USP6NL: variants seen among roughly 807,000 people sequenced by gnomAD.
USP6NL encodes USP6 N-terminal like.
Under a neutral mutation model 61.9 loss-of-function variants are expected in USP6NL, and 26 were observed. The ratio of observed to expected loss-of-function variants is 0.42; its 90% CI spans 0.31 to 0.58. The LOEUF is 0.58. USP6NL is among the 20% of genes least tolerant of loss of function. The probability of loss-of-function intolerance (pLI) is 0.16; values close to 1 mark genes in which losing one functional copy is unlikely to be tolerated. For synonymous variants in USP6NL, 432 were observed against 390.1 expected (o/e 1.11, Z -1.27); for missense variants, 1,114 against 1,034.3 (o/e 1.08, Z -1.06).
intron 2 of USP6NL, among the ~76,000 whole-genome samples, chr10:11,533,987 C>T (rs909101658): frequency 3.9e-5 from 6 of 152,280 alleles, no homozygotes; most frequent in Non-Finnish European, 1.5e-5. Context: ...TTCAGCCTGC[C>T]TAGCCCAGTT....
chr10:11,606,385 T>C (rs938495777), intron 1 of USP6NL, among the ~76,000 whole-genome samples: 1 of 152,182 alleles, frequency 6.6e-6, no homozygotes, highest in African/African-American at 2.4e-5. Context: ...TTATTCCACA[T>C]GGAAGGTCAG....
At chr10:11,488,580 C>T (rs925333435) in intron 10 of USP6NL, among the ~76,000 whole-genome samples, 9 of 152,128 alleles carry the variant, frequency 5.9e-5, no homozygotes, top group Admixed American at 5.9e-4. Flanking sequence ...TAAAGTGGAA[C>T]CAATTTTATG....
At chr10:11,567,837 T>C (rs1368822271) in intron 2 of USP6NL, among the ~76,000 whole-genome samples, 4 of 152,142 alleles carry the variant, frequency 2.6e-5, no homozygotes, top group Non-Finnish European at 5.9e-5. Flanking sequence ...CCTGGGAAAA[T>C]ATACACTATT....
At chr10:11,572,022 C>T (rs1837383963) in intron 2 of USP6NL, among the ~76,000 whole-genome samples, 1 of 151,162 alleles carries the variant, frequency 6.6e-6, no homozygotes, top group Admixed American at 6.6e-5. Flanking sequence ...TTTCATATAT[C>T]CACATGATGT....
At chr10:11,542,000 C>T (rs1203357110) in intron 2 of USP6NL, among the ~76,000 whole-genome samples, 1 of 152,132 alleles carries the variant, frequency 6.6e-6, no homozygotes, top group Non-Finnish European at 1.5e-5. Flanking sequence ...AGCTGTAGGA[C>T]AATTTTTAAA....
chr10:11,540,383 G>C lies in USP6NL; in HGVS notation c.5-12816C>G, dbSNP rs1167207875. Among the ~76,000 whole-genome samples the C allele has an allele frequency of 2.0e-5, 3 of 152,178 alleles. No individual in the cohort carries two copies. Among genetic ancestry groups the C allele is most frequent in the South Asian group, 2.1e-4 (1 of 4,830 alleles). On this transcript the variant is annotated intron_variant, in intron 2 of 14. Coordinates refer to ENST00000609104, the MANE Select transcript of USP6NL (RefSeq NM_014688.5). This position sits in a 1 kb window ranked among gnomAD's most constrained non-coding sequence, Gnocchi z 5.0. ...GACACAATAATCATCAAATGACACT[G>C]AACTTTACTAAAACACTTTATCCTT... is the stretch of plus-strand genomic sequence containing the variant.
chr10:11,582,302 T>C (rs956978300), intron 2 of USP6NL, among the ~76,000 whole-genome samples: 4 of 152,190 alleles, frequency 2.6e-5, no homozygotes, highest in Admixed American at 2.6e-4. Flanking sequence ...GGTTTTGCCA[T>C]GTTGGCCAGG....
At position 11,528,555 on chromosome 10, in the gene USP6NL, G is replaced by A. The variant is rs910573603; in HGVS notation, c.5-988C>T. 6.6e-6 allele frequency among the ~76,000 whole-genome samples: 1 copy of A among 152,104 alleles called. No homozygotes were observed. Among genetic ancestry groups the A allele is most frequent in the Non-Finnish European group, 1.5e-5 (1 of 68,010 alleles). The stretch of plus-strand genomic sequence containing the variant: ...TAAAAAAGAGGCTTAGAGATTTTAC[G>A]CAACTTGTCCACAGGCATAAAGCTA... On this transcript the variant is annotated intron_variant, in intron 2 of 14. Transcript: ENST00000609104. This position sits in a 1 kb window ranked among gnomAD's most constrained non-coding sequence, Gnocchi z 4.6.
At chr10:11,603,913 A>G (rs957511576) in intron 1 of USP6NL, among the ~76,000 whole-genome samples, 4 of 152,230 alleles carry the variant, frequency 2.6e-5, no homozygotes, top group African/African-American at 7.2e-5. Flanking sequence ...TAGGATGTCA[A>G]TAAAACTGGA....
rs1836985592 is a variant in USP6NL, at chr10:11,562,582, A to G, written c.5-35015T>C. Reference sequence around the variant, plus strand: ...CTAGCCTGGACTGTTTCAGCCACTCAGCCAGGTTTTAAATTACTTGCAACT... The same window carrying G: ...CTAGCCTGGACTGTTTCAGCCACTCGGCCAGGTTTTAAATTACTTGCAACT... On this transcript the variant is annotated intron_variant, in intron 2 of 14. Coordinates refer to ENST00000609104, the MANE Select transcript of USP6NL (RefSeq NM_014688.5). This position sits in a 1 kb window ranked among gnomAD's most constrained non-coding sequence, Gnocchi z 4.8. The G allele has an allele frequency of 1.0e-6, 1 of 985,310 alleles. No homozygotes were observed. The highest frequency in any genetic ancestry group is 1.7e-5 in the African/African-American group (1 of 57,236). 61.0% of individuals were successfully genotyped at this position (985,310 alleles called of 1,614,324 possible). A position where few individuals can be genotyped will look rare whatever the true frequency, so the allele number is the denominator to read the frequency against.
chr10:11,463,192 T>G lies in USP6NL; in HGVS notation c.1736A>C (p.His579Pro). 2.5e-6 allele frequency: 4 copies of G among 1,613,606 alleles called. No individual in the cohort carries two copies. The highest frequency in any genetic ancestry group is 3.4e-6 in the Non-Finnish European group (4 of 1,179,878). ...TCTCGGGCTAGGAGGGTAAAGGGCA[T>G]GCCGGGGGCTCTGGGAGTAAGCCCT... The part of the protein sequence containing the change: ...LERAYSQSPR[H>P]ALYPPSPRKH... Residue 579 changes from histidine (H) to proline (P), a missense_variant, in exon 15 of 15, where the codon CAT (histidine) becomes CCT (proline). Physicochemically the swap from His to Pro is moderately conservative, Grantham distance 77 (BLOSUM62 -2). Transcript: ENST00000609104. The surrounding 1 kb of genome is among the most constrained non-coding windows in gnomAD (Gnocchi z 6.3).
At chr10:11,547,196 G>A (rs1327353051) in intron 2 of USP6NL, among the ~76,000 whole-genome samples, 6 of 152,172 alleles carry the variant, frequency 3.9e-5, no homozygotes, top group African/African-American at 1.4e-4. Flanking sequence ...CAATAAGAGC[G>A]TGAACTCACA....
In USP6NL at chr10:11,525,543, G is replaced by GTTAT. The variant is rs1372932571; in HGVS notation, c.73-76_73-75insATAA. ...TAATTTTTTAAAATAAAAGGACGAA[G>GTTAT]AAATAAGAGCTATTTTTAATGTATT... On this transcript the variant is annotated intron_variant, in intron 3 of 14. Transcript: ENST00000609104. This position sits in a 1 kb window ranked among gnomAD's most constrained non-coding sequence, Gnocchi z 5.0. 1.3e-5 allele frequency: 16 copies of GTTAT among 1,253,506 alleles called. No homozygotes were observed. The African/African-American group carries it at 2.5e-4, about 20-fold the overall frequency. The allele number at this position is 1,253,506 out of a possible 1,614,324, so 77.6% of individuals were successfully genotyped here. A position where few individuals can be genotyped will look rare whatever the true frequency, so the allele number is the denominator to read the frequency against.
In USP6NL at chr10:11,525,068, C is replaced by T. The variant is rs1474976959; in HGVS notation, c.155+318G>A. ...TATTTATTTTTAAAATGCGCTGGTACAGAATGAAATGTTTTATAATTATTT... is the reference window on the plus strand; with the variant it reads ...TATTTATTTTTAAAATGCGCTGGTATAGAATGAAATGTTTTATAATTATTT... On this transcript the variant is annotated intron_variant, in intron 4 of 14. Coordinates refer to ENST00000609104, the MANE Select transcript of USP6NL (RefSeq NM_014688.5). This position sits in a 1 kb window ranked among gnomAD's most constrained non-coding sequence, Gnocchi z 5.0. 6.6e-6 allele frequency among the ~76,000 whole-genome samples: 1 copy of T among 152,150 alleles called. No individual in the cohort carries two copies. Among genetic ancestry groups the T allele is most frequent in the Non-Finnish European group, 1.5e-5 (1 of 68,018 alleles).
At chr10:11,521,385 T>C (rs911167705) in intron 4 of USP6NL, among the ~76,000 whole-genome samples, 3 of 144,476 alleles carry the variant, frequency 2.1e-5, no homozygotes, top group Non-Finnish European at 1.5e-5. Flanking sequence ...ATATTTTTTT[T>C]TAAATTTTTT....
chr10:11,530,554 CAAAT>C (rs1835618299), intron 2 of USP6NL, among the ~76,000 whole-genome samples: 1 of 152,158 alleles, frequency 6.6e-6, no homozygotes, highest in Non-Finnish European at 1.5e-5. Flanking sequence ...AACTCTAAAT[CAAAT>C]AAATAAATTC....
chr10:11,503,532 G>T (rs1834306377), intron 6 of USP6NL, among the ~76,000 whole-genome samples: 1 of 152,058 alleles, frequency 6.6e-6, no homozygotes. Context: ...TTAAAAATCA[G>T]GTACATATGG....
rs1383477991 is a variant in USP6NL at position 11,598,408 on chromosome 10, T to A, written c.-83-691A>T. Among the ~76,000 whole-genome samples the A allele has an allele frequency of 6.6e-6, 1 of 152,176 alleles. No individual in the cohort carries two copies. Among genetic ancestry groups the A allele is most frequent in the African/African-American group, 2.4e-5 (1 of 41,462 alleles). On this transcript the variant is annotated intron_variant, in intron 1 of 14. Coordinates refer to ENST00000609104, the MANE Select transcript of USP6NL (RefSeq NM_014688.5). This position sits in a 1 kb window ranked among gnomAD's most constrained non-coding sequence, Gnocchi z 4.7. ...CCACTTAAGAGCATAACATAAAACA[T>A]CAACTTGTGTTAGTATTAATACAAA... is the stretch of plus-strand genomic sequence containing the variant.
At position 11,518,648 on chromosome 10, in the gene USP6NL, A is replaced by G; in HGVS notation, c.156-74T>C. The stretch of plus-strand genomic sequence containing the variant: ...CTTTTAAAAGCTTATATACTTATAG[A>G]TACATATGACATACAATATTTATTT... On this transcript the variant is annotated intron_variant, in intron 4 of 14. Transcript: ENST00000609104. This position sits in a 1 kb window ranked among gnomAD's most constrained non-coding sequence, Gnocchi z 5.3. The G allele has an allele frequency of 9.1e-7, 1 of 1,098,266 alleles. No individual in the cohort carries two copies. Among genetic ancestry groups the G allele is most frequent in the Non-Finnish European group, 1.4e-6 (1 of 731,734 alleles). The allele number at this position is 1,098,266 out of a possible 1,614,324, so 68.0% of individuals were successfully genotyped here. A position where few individuals can be genotyped will look rare whatever the true frequency, so the allele number is the denominator to read the frequency against.
Sources: allele counts gnomAD v4.1 joint callset (sites outside exome capture counted in the v4.1 genomes callset), GRCh38; gene constraint gnomAD v4.1.1; non-coding constraint Gnocchi (gnomAD v3.1); transcripts MANE v1.5; gene names NCBI Gene and HGNC (gene_info 2026-07-23, HGNC 2026-07-21).